Variants in EPS8 observed in about 807,000 individuals in gnomAD.
The protein encoded by EPS8 is epidermal growth factor receptor kinase substrate 8.
Under a neutral mutation model 103.8 loss-of-function variants are expected in EPS8, and 42 were observed. The ratio of observed to expected loss-of-function variants is 0.40; its 90% CI spans 0.32 to 0.52. EPS8 has a LOEUF of 0.52. EPS8 is among the 20% of genes least tolerant of loss of function. EPS8 has a pLI of 0.40. For synonymous variants in EPS8, 344 were observed against 344.6 expected, an observed-to-expected ratio of 1.00 and a Z score of 0.02; for missense variants, 969 against 1,005.1, an observed-to-expected ratio of 0.96 and a Z score of 0.49.
At chr12:15,707,861 A>G (rs1477477192) in intron 1 of EPS8, among the ~76,000 whole-genome samples, 1 of 152,198 alleles carries the variant, frequency 6.6e-6, no homozygotes, top group Non-Finnish European at 1.5e-5. Flanking sequence ...CCCAACTTCC[A>G]ACACAATCAT....
In EPS8 at chr12:15,738,026, G is replaced by GTTT. The variant is rs1946784055; in HGVS notation, c.-22+51134_-22+51135insAAA. 6.6e-6 allele frequency among the ~76,000 whole-genome samples: 1 copy of GTTT among 152,090 alleles called. No individual in the cohort carries two copies. Among genetic ancestry groups the GTTT allele is most frequent in the African/African-American group, 2.4e-5 (1 of 41,440 alleles). On this transcript the variant is annotated intron_variant, in intron 1 of 20. Coordinates refer to ENST00000281172, the MANE Select transcript of EPS8 (RefSeq NM_004447.6). The surrounding 1 kb of genome is among the most constrained non-coding windows in gnomAD (Gnocchi z 6.2). ...AAAATTAGCTAAACAAATAGTAAAT[G>GTTT]AGGGGAATTCGCTCTTCACAGAAAT...
At chr12:15,773,803 G>C (rs939597986) in intron 1 of EPS8, among the ~76,000 whole-genome samples, 2 of 152,116 alleles carry the variant, frequency 1.3e-5, no homozygotes, top group African/African-American at 2.4e-5. Context: ...GAGTGACAAG[G>C]TGGCAATCAG....
chr12:15,709,789 A>C (rs1361045636), intron 1 of EPS8, among the ~76,000 whole-genome samples: 1 of 152,222 alleles, frequency 6.6e-6, no homozygotes, highest in South Asian at 2.1e-4. Flanking sequence ...TTTTGGCACC[A>C]GGGACTGGTT....
chr12:15,667,838 T>C (rs1945743185), intron 6 of EPS8, among the ~76,000 whole-genome samples: 1 of 152,170 alleles, frequency 6.6e-6, no homozygotes. Context: ...TGTGAGCTTT[T>C]GGGGTTAGGA....
At chr12:15,737,277 T>C (rs983419887) in intron 1 of EPS8, among the ~76,000 whole-genome samples, 2 of 152,160 alleles carry the variant, frequency 1.3e-5, no homozygotes, top group African/African-American at 4.8e-5. Context: ...TACCAGCTAC[T>C]GAAGTTCAAA....
intron 8 of EPS8, 103 bp downstream of exon 8, chr12:15,665,653 A>C (rs1349981960): frequency 7.0e-7 from 1 of 1,424,138 alleles, no homozygotes; most frequent in Non-Finnish European, 9.8e-7. Context: ...TTAAAAACTA[A>C]CCTCAAGCTT....
intron 1 of EPS8, among the ~76,000 whole-genome samples, chr12:15,686,744 C>T (rs921977754): frequency 3.3e-5 from 5 of 152,100 alleles, no homozygotes; most frequent in African/African-American, 1.2e-4. Context: ...TTTACTCTTG[C>T]TTGCATCTCA....
At position 15,734,720 on chromosome 12, in the gene EPS8, A is replaced by C. The variant is rs1946751614; in HGVS notation, c.-21-51748T>G. Among the ~76,000 whole-genome samples the C allele has an allele frequency of 6.6e-6, 1 of 152,158 alleles. No individual in the cohort carries two copies. The highest frequency in any genetic ancestry group is 1.5e-5 in the Non-Finnish European group (1 of 68,024). On this transcript the variant is annotated intron_variant, in intron 1 of 20. Coordinates refer to ENST00000281172, the MANE Select transcript of EPS8 (RefSeq NM_004447.6). This position sits in a 1 kb window ranked among gnomAD's most constrained non-coding sequence, Gnocchi z 4.1. Reference sequence around the variant, plus strand: ...AGCGAGACTCTGTCTCAAAAACAAAAAACAAACAAACAAAAAAAAACAAAA... The same window carrying C: ...AGCGAGACTCTGTCTCAAAAACAAACAACAAACAAACAAAAAAAAACAAAA...
In EPS8 at chr12:15,784,883, TC is replaced by T. The variant is rs1427108610; in HGVS notation, c.-22+4277del. On this transcript the variant is annotated intron_variant, in intron 1 of 20. Coordinates refer to ENST00000281172, the MANE Select transcript of EPS8 (RefSeq NM_004447.6). This position sits in a 1 kb window ranked among gnomAD's most constrained non-coding sequence, Gnocchi z 4.0. The stretch of plus-strand genomic sequence containing the variant: ...AGCCAGTCTGGCAAGGCTGTATGAT[TC>T]CAATTATACAACATCTGGAAAAGGC... Among the ~76,000 whole-genome samples, 5 of 152,108 alleles carry T rather than the reference TC, an allele frequency of 3.3e-5. No individual in the cohort carries two copies. Among genetic ancestry groups the T allele is most frequent in the South Asian group, 4.1e-4 (2 of 4,834 alleles).
At chr12:15,715,394 C>CTTTTTTTTT (rs3086457) in intron 1 of EPS8, among the ~76,000 whole-genome samples, 6 of 127,186 alleles carry the variant, frequency 4.7e-5, no homozygotes, top group Admixed American at 8.5e-5. Context: ...CTTTACTTTT[C>CTTTTTTTTT]TTTTTTTTTT....
chr12:15,733,590 C>A lies in EPS8; in HGVS notation c.-21-50618G>T, dbSNP rs192335640. On this transcript the variant is annotated intron_variant, in intron 1 of 20. Coordinates refer to ENST00000281172, the MANE Select transcript of EPS8 (RefSeq NM_004447.6). This position sits in a 1 kb window ranked among gnomAD's most constrained non-coding sequence, Gnocchi z 4.8. ...AAAAGGACATGTGAAAACACCTCAGCCCAGAGATAAGAGGACCACATGTTC... is the reference window on the plus strand; with the variant it reads ...AAAAGGACATGTGAAAACACCTCAGACCAGAGATAAGAGGACCACATGTTC... Among the ~76,000 whole-genome samples, 1 of 151,774 alleles carries A rather than the reference C, an allele frequency of 6.6e-6. No homozygotes were observed. Among genetic ancestry groups the A allele is most frequent in the Non-Finnish European group, 1.5e-5 (1 of 67,902 alleles).
At chr12:15,627,312 C>T (rs1024608174) in intron 18 of EPS8, among the ~76,000 whole-genome samples, 14 of 151,904 alleles carry the variant, frequency 9.2e-5, no homozygotes, top group African/African-American at 3.4e-4. Context: ...CCAACTTAAT[C>T]GTTTTTTAAC....
intron 1 of EPS8, among the ~76,000 whole-genome samples, chr12:15,768,263 C>A (rs1271523468): frequency 6.6e-6 from 1 of 151,576 alleles, no homozygotes; most frequent in Non-Finnish European, 1.5e-5. Flanking sequence ...TATGGTGAAA[C>A]CCTTTCTCTA....
intron 1 of EPS8, among the ~76,000 whole-genome samples, chr12:15,754,797 T>C (rs910747432): frequency 1.3e-5 from 2 of 152,228 alleles, no homozygotes; most frequent in Non-Finnish European, 2.9e-5. Flanking sequence ...AGCTCTCTTT[T>C]TCCCCCAAGT....
At chr12:15,718,645 G>A (rs925413826) in intron 1 of EPS8, among the ~76,000 whole-genome samples, 1 of 152,118 alleles carries the variant, frequency 6.6e-6, no homozygotes, top group Non-Finnish European at 1.5e-5. Flanking sequence ...TAATTAGCTT[G>A]ATGAGTGCAT....
intron 9 of EPS8, among the ~76,000 whole-genome samples, chr12:15,661,396 T>C (rs1945602785): frequency 6.6e-6 from 1 of 152,184 alleles, no homozygotes; most frequent in Non-Finnish European, 1.5e-5. Flanking sequence ...AAAAATTGAA[T>C]TAGAAATTTC....
intron 18 of EPS8, among the ~76,000 whole-genome samples, chr12:15,629,882 GAGAA>G (rs763251228): frequency 3.9e-5 from 6 of 152,074 alleles, no homozygotes; most frequent in Admixed American, 3.9e-4. Flanking sequence ...TTACTGACGT[GAGAA>G]AAACAGTAGG....
chr12:15,712,412 C>T (rs1946477592), intron 1 of EPS8, among the ~76,000 whole-genome samples: 1 of 152,152 alleles, frequency 6.6e-6, no homozygotes, highest in African/African-American at 2.4e-5. Flanking sequence ...ATTGTGTAAA[C>T]AATCCAAAGC....
Position 15,669,452 on chromosome 12 carries a change from G to C in EPS8, c.451C>G (p.Leu151Val), listed in dbSNP as rs1483230857. ...TTCTGGGTTGGCTCTTTGCACACCA[G>C]TGCAAGAACTGAATCATAGCTGCAT... ...HSCSYDSVLA[L>V]VCKEPTQNKP... Residue 151 changes from leucine to valine, a missense_variant, in exon 6 of 21, where the codon CTG (leucine) becomes GTG (valine). Leu to Val is a conservative substitution (Grantham distance 32, BLOSUM62 1). Transcript: ENST00000281172. 5 of 1,613,942 alleles carry C rather than the reference G, an allele frequency of 3.1e-6. No individual in the cohort carries two copies. Among genetic ancestry groups the C allele is most frequent in the Non-Finnish European group, 4.2e-6 (5 of 1,179,946 alleles).
Sources: allele counts gnomAD v4.1 joint callset (sites outside exome capture counted in the v4.1 genomes callset), GRCh38; gene constraint gnomAD v4.1.1; non-coding constraint Gnocchi (gnomAD v3.1); transcripts MANE v1.5; gene names NCBI Gene and HGNC (gene_info 2026-07-23, HGNC 2026-07-21).